EBF1: variants seen among roughly 807,000 people sequenced by gnomAD.
The protein encoded by EBF1 is transcription factor COE1.
Under a neutral mutation model 68.4 loss-of-function variants are expected in EBF1, and 10 were observed. That is an observed-to-expected ratio of 0.15 (90% CI 0.09 to 0.25). The LOEUF (loss-of-function observed/expected upper bound fraction) is 0.25, where lower values mean the gene tolerates loss of function less well. EBF1 is among the 10% of genes least tolerant of loss of function. The pLI is 1.00. For missense variants in EBF1, 509 were observed against 794.4 expected (o/e 0.64, Z 4.32); for synonymous variants, 298 against 299.8 (o/e 0.99, Z 0.06).
intron 1 of EBF1, among the ~76,000 whole-genome samples, chr5:159,098,061 T>C (rs887427693): frequency 6.6e-6 from 1 of 152,236 alleles, no homozygotes; most frequent in African/African-American, 2.4e-5. Flanking sequence ...GGGAACAGTG[T>C]TGGGGACACT....
intron 6 of EBF1, among the ~76,000 whole-genome samples, chr5:159,041,568 C>T (rs1771209335): frequency 6.6e-6 from 1 of 152,142 alleles, no homozygotes; most frequent in Non-Finnish European, 1.5e-5. Flanking sequence ...ATGCAAATTA[C>T]AAAAGCAGAT....
intron 15 of EBF1, among the ~76,000 whole-genome samples, chr5:158,702,638 G>A (rs1756986554): frequency 1.3e-5 from 2 of 149,102 alleles, no homozygotes; most frequent in Admixed American, 6.8e-5. Flanking sequence ...TAATCACTCA[G>A]GAGGCTGAGG....
intron 6 of EBF1, among the ~76,000 whole-genome samples, chr5:158,882,639 G>A (rs1799108279): frequency 6.6e-6 from 1 of 152,204 alleles, no homozygotes; most frequent in South Asian, 2.1e-4. Flanking sequence ...TCACAACAAT[G>A]AGTCCTTAAA....
rs547348410 is a variant in EBF1, at chr5:158,841,000, G to A, written c.555-890C>T. The stretch of plus-strand genomic sequence containing the variant: ...TGTTTTTCTTAAACTGTCTGCTGTA[G>A]ACAAGAGCTAGCTGTGATTGAATAA... On this transcript the variant is annotated intron_variant, in intron 6 of 15. Coordinates refer to ENST00000313708, the MANE Select transcript of EBF1 (RefSeq NM_024007.5). Among the ~76,000 whole-genome samples the A allele has an allele frequency of 5.3e-5, 8 of 152,218 alleles. No homozygotes were observed. The South Asian group carries it at 1.7e-3, about 32-fold the overall frequency.
chr5:158,776,896 C>T (rs1775402872), intron 10 of EBF1, among the ~76,000 whole-genome samples: 1 of 152,176 alleles, frequency 6.6e-6, no homozygotes, highest in South Asian at 2.1e-4. Flanking sequence ...CACTCTGAAA[C>T]CCTAGCTTCT....
chr5:159,060,262 A>C (rs1207644079), intron 6 of EBF1, among the ~76,000 whole-genome samples: 1 of 152,208 alleles, frequency 6.6e-6, no homozygotes, highest in Non-Finnish European at 1.5e-5. Context: ...ATAAATTTTT[A>C]AATCGTTATC....
chr5:159,080,920 AGT>A (rs1561969345), intron 5 of EBF1, among the ~76,000 whole-genome samples: 1 of 152,238 alleles, frequency 6.6e-6, no homozygotes. Flanking sequence ...AGCAGACAGT[AGT>A]CCCCCTTATC....
chr5:158,829,628 C>G (rs1235143531), intron 7 of EBF1, among the ~76,000 whole-genome samples: 5 of 151,984 alleles, frequency 3.3e-5, no homozygotes, highest in Non-Finnish European at 5.9e-5. Context: ...TTTCTGTAAA[C>G]CTAAAACTGC....
At chr5:158,753,655 T>C (rs1295193148) in intron 10 of EBF1, among the ~76,000 whole-genome samples, 2 of 152,150 alleles carry the variant, frequency 1.3e-5, no homozygotes, top group Non-Finnish European at 2.9e-5. Flanking sequence ...CTTCATTAAA[T>C]TGACCACTGC....
At chr5:158,843,080 A>G (rs369449191) in intron 6 of EBF1, among the ~76,000 whole-genome samples, 4 of 152,240 alleles carry the variant, frequency 2.6e-5, no homozygotes, top group Admixed American at 2.0e-4. Context: ...TATTAGTATC[A>G]TGATTTCCAC....
intron 6 of EBF1, among the ~76,000 whole-genome samples, chr5:158,851,374 G>A (rs1792616621): frequency 8.8e-6 from 1 of 113,862 alleles, no homozygotes. Context: ...GAAGGAAAGG[G>A]AAGGGAAGGG....
At chr5:159,079,746 G>A (rs1301064757) in intron 5 of EBF1, among the ~76,000 whole-genome samples, 1 of 151,338 alleles carries the variant, frequency 6.6e-6, no homozygotes. Flanking sequence ...CGAGTAGCTT[G>A]GACCACAGGT....
chr5:158,909,810 G>GC (rs1163875064), intron 6 of EBF1, among the ~76,000 whole-genome samples: 11 of 152,046 alleles, frequency 7.2e-5, no homozygotes, highest in Non-Finnish European at 1.5e-4. Flanking sequence ...GGTGGCACAG[G>GC]CCTTTAATCC....
chr5:158,919,803 G>A (rs147925814), intron 6 of EBF1, among the ~76,000 whole-genome samples: 2,173 of 152,196 alleles, frequency 0.014, 17 homozygotes, highest in Non-Finnish European at 0.023. Flanking sequence ...AAACACGACG[G>A]TACATATTAT....
At chr5:158,807,257 A>T (rs1446126051) in intron 8 of EBF1, among the ~76,000 whole-genome samples, 4 of 152,154 alleles carry the variant, frequency 2.6e-5, no homozygotes, top group Non-Finnish European at 5.9e-5. Context: ...GCACAAAATC[A>T]AATGCTCACA....
At chr5:158,754,883 A>T (rs1333296282) in intron 10 of EBF1, among the ~76,000 whole-genome samples, 1 of 152,116 alleles carries the variant, frequency 6.6e-6, no homozygotes, top group African/African-American at 2.4e-5. Context: ...ATTGCAAGGA[A>T]TTTTTCTTAC....
intron 10 of EBF1, among the ~76,000 whole-genome samples, chr5:158,742,955 G>T (rs915823627): frequency 6.6e-6 from 1 of 152,102 alleles, no homozygotes; most frequent in Non-Finnish European, 1.5e-5. Flanking sequence ...TGTATACAAG[G>T]CCCCATGCTT....
chr5:159,008,524 CTT>C (rs372441248), intron 6 of EBF1, among the ~76,000 whole-genome samples: 110 of 138,214 alleles, frequency 8.0e-4, no homozygotes, highest in African/African-American at 2.1e-3. Flanking sequence ...TTTTTCTTTT[CTT>C]TTTTTTTTTT....
chr5:158,969,830 AAAAGAAAGAAAGAGAAAG>A (rs1451527876), intron 6 of EBF1, among the ~76,000 whole-genome samples: 1 of 141,322 alleles, frequency 7.1e-6, no homozygotes, highest in African/African-American at 2.6e-5. Context: ...AGAAAGACAG[AAAAGAAAGAAAGAGAAAG>A]AAAGAAAGAA....
Sources: gnomAD v4.1 joint callset for allele counts (sites outside exome capture counted in the v4.1 genomes callset) on GRCh38, gnomAD v4.1.1 for gene constraint, MANE v1.5 for transcripts, NCBI Gene and HGNC (gene_info 2026-07-23, HGNC 2026-07-21) for gene names.